Variants in CASP14 observed in about 807,000 individuals in gnomAD.
The protein encoded by CASP14 is caspase 14.
A neutral mutation model predicts 28.4 loss-of-function variants in CASP14; 27 were observed. That is an observed-to-expected ratio of 0.95 (90% CI 0.70 to 1.31). The LOEUF is 1.31. Ranked by LOEUF, CASP14 falls within the 50% of genes most tolerant of loss-of-function variation. The probability of loss-of-function intolerance (pLI) is 0.00; values close to 1 mark genes in which losing one functional copy is unlikely to be tolerated. For synonymous variants in CASP14, 115 were observed against 118.6 expected (o/e 0.97, Z 0.20); for missense variants, 323 against 312.8 (o/e 1.03, Z -0.25).
chr19:15,053,961 G>A lies in CASP14; in HGVS notation c.403+3G>A, dbSNP rs1034529513. 6.2e-6 allele frequency: 10 copies of A among 1,610,506 alleles called. No homozygotes were observed. The highest frequency in any genetic ancestry group is 5.1e-6 in the Non-Finnish European group (6 of 1,178,134). ...CATCATACAGGCCTGTCGAGGAGGT[G>A]GGGACAGATCCAAGAGCACAGAGTC... On this transcript the variant is annotated splice_donor_region_variant and intron_variant, in intron 4 of 6. Coordinates refer to ENST00000427043, the MANE Select transcript of CASP14 (RefSeq NM_012114.3).
At chr19:15,055,065 A>G (rs570717114) in intron 4 of CASP14, 93 bp from the exon 5 acceptor site, 1 of 935,966 alleles carries the variant, frequency 1.1e-6, no homozygotes, top group Non-Finnish European at 1.7e-6. Context: ...TCAGCCCCCC[A>G]AAACACTGGG....
At chr19:15,051,326 G>A (rs868027544) in intron 1 of CASP14, among the ~76,000 whole-genome samples, 2 of 151,344 alleles carry the variant, frequency 1.3e-5, no homozygotes, top group African/African-American at 2.4e-5. Flanking sequence ...GTGAAATCCC[G>A]TCTCTACTAA....
chr19:15,053,720 C>T lies in CASP14; in HGVS notation c.178-13C>T, dbSNP rs1284012208. 4 of 1,612,800 alleles carry T rather than the reference C, an allele frequency of 2.5e-6. No homozygotes were observed. The highest frequency in any genetic ancestry group is 3.4e-6 in the Non-Finnish European group (4 of 1,179,104). On this transcript the variant is annotated splice_polypyrimidine_tract_variant and intron_variant, in intron 3 of 6. Transcript: ENST00000427043. ...GGGGACCCAGCTGAGTCTGGTTCTT[C>T]CTCTCACTCCAGCAATTCCAGGAAG...
rs796422997 is a variant in CASP14 at position 15,054,640 on chromosome 19, CTTTT to C, written c.404-502_404-499del. 2.0e-3 allele frequency among the ~76,000 whole-genome samples: 247 copies of C among 122,100 alleles called. 1 individual carries two copies. The highest frequency in any genetic ancestry group is 6.5e-3 in the African/African-American group (230 of 35,194). The allele number at this position is 122,100 out of a possible 152,430, so 80.1% of individuals were successfully genotyped here. On this transcript the variant is annotated intron_variant, in intron 4 of 6. Transcript: ENST00000427043. ...GCACATGGCATACCACAAAAGCATC[CTTTT>C]TTTTTTTTTTTTTTTAGACGGAGTC...
Position 15,056,236 on chromosome 19 carries a change from C to T in CASP14, c.*147C>T, listed in dbSNP as rs1030617523. 8.2e-6 allele frequency: 5 copies of T among 612,828 alleles called. No individual in the cohort carries two copies. The highest frequency in any genetic ancestry group is 2.8e-5 in the Admixed American group (1 of 36,316). 38.0% of individuals were successfully genotyped at this position (612,828 alleles called of 1,614,324 possible). A position where few individuals can be genotyped will look rare whatever the true frequency, so the allele number is the denominator to read the frequency against. ...TTTCCATCACACCCTTCATGCAGGT[C>T]CTCCTGTCCTTATTAGAGCAAGCCA... On this transcript the variant is annotated 3_prime_UTR_variant, in exon 7 of 7. Coordinates refer to ENST00000427043, the MANE Select transcript of CASP14 (RefSeq NM_012114.3).
chr19:15,054,561 C>G (rs1213284516), intron 4 of CASP14, among the ~76,000 whole-genome samples: 4 of 151,504 alleles, frequency 2.6e-5, no homozygotes, highest in African/African-American at 9.7e-5. Flanking sequence ...CCAGCCTGGG[C>G]AACAAAGCAA....
rs747025277 is a variant in CASP14, at chr19:15,053,745, G to A, written c.190G>A (p.Glu64Lys). 3.4e-5 allele frequency: 55 copies of A among 1,613,422 alleles called. No homozygotes were observed. The highest frequency in any genetic ancestry group is 4.6e-5 in the Non-Finnish European group (54 of 1,179,554). The change falls in exon 4 of 7, where the codon GAG (glutamate) becomes AAG (lysine). Residue 64 changes from glutamate (E) to lysine (K), a missense_variant. Transcript: ENST00000427043. ...RDPTAEQFQE[E>K]LEKFQQAIDS... Reference sequence around the variant, plus strand: ...CCTCTCACTCCAGCAATTCCAGGAAGAGCTGGAAAAATTCCAGCAGGCCAT... The same window carrying A: ...CCTCTCACTCCAGCAATTCCAGGAAAAGCTGGAAAAATTCCAGCAGGCCAT...
At chr19:15,052,149 C>T (rs959670242) in intron 1 of CASP14, 57 bp from the exon 2 acceptor site, 1 of 1,332,320 alleles carries the variant, frequency 7.5e-7, no homozygotes, top group Non-Finnish European at 1.0e-6. Flanking sequence ...CAGTTTGTCC[C>T]CTGAGCCCCT....
Position 15,055,216 on chromosome 19 carries a change from C to T in CASP14, c.462C>T (p.Asp154=). 1 of 1,613,470 alleles carries T rather than the reference C, an allele frequency of 6.2e-7. No homozygotes were observed. Among genetic ancestry groups the T allele is most frequent in the East Asian group, 2.2e-5 (1 of 44,866 alleles). Residue 154 remains aspartate, a synonymous_variant, in exon 5 of 7, where the codon GAC becomes GAT. Transcript: ENST00000427043. ...GGDEIVMVIK[D]SPQTIPTYTD... ...ATGAGATTGTGATGGTCATCAAAGA[C>T]AGCCCACAAACCATCCCAACATACA... is the stretch of plus-strand genomic sequence containing the variant.
chr19:15,055,128 C>T, intron 4 of CASP14, 30 bp from the exon 5 acceptor site: 3 of 1,573,296 alleles, frequency 1.9e-6, no homozygotes, highest in Non-Finnish European at 2.6e-6. Flanking sequence ...TTCTCTCTGA[C>T]TTTGCCTCCT....
chr19:15,052,350 A>G, intron 2 of CASP14, 72 bp downstream of exon 2: 1 of 1,415,446 alleles, frequency 7.1e-7, no homozygotes, highest in Non-Finnish European at 9.5e-7. Context: ...AATGTTTTGG[A>G]AAGAGTGGAG....
At position 15,055,452 on chromosome 19, in the gene CASP14, T is replaced by G. The variant is rs1213944227; in HGVS notation, c.543T>G (p.Asp181Glu). The G allele has an allele frequency of 6.2e-7, 1 of 1,613,930 alleles. No individual in the cohort carries two copies. The highest frequency in any genetic ancestry group is 1.1e-5 in the South Asian group (1 of 91,072). Residue 181 changes from aspartate to glutamate, a missense_variant, in exon 6 of 7, where the codon GAT (aspartate) becomes GAG (glutamate). Asp to Glu is a conservative substitution (Grantham distance 45, BLOSUM62 2). Transcript: ENST00000427043. ...TVEGYIAYRH[D>E]QKGSCFIQTL... ...CAGGATACATCGCCTACCGACATGATCAGAAAGGCTCATGCTTTATCCAGA... is the reference window on the plus strand; with the variant it reads ...CAGGATACATCGCCTACCGACATGAGCAGAAAGGCTCATGCTTTATCCAGA...
At chr19:15,052,390 AG>A in intron 2 of CASP14, 112 bp downstream of exon 2, 1 of 1,068,682 alleles carries the variant, frequency 9.4e-7, no homozygotes. Flanking sequence ...CTGAACTCAG[AG>A]CTAGGAGGTA....
Position 15,053,818 on chromosome 19 carries a change from C to A in CASP14, c.263C>A (p.Ala88Asp), listed in dbSNP as rs764708026. The A allele has an allele frequency of 1.1e-5, 17 of 1,614,008 alleles. No individual in the cohort carries two copies. The highest frequency in any genetic ancestry group is 1.4e-5 in the Non-Finnish European group (17 of 1,180,044). Residue 88 changes from alanine to aspartate, a missense_variant, in exon 4 of 7, where the codon GCT becomes GAT. Ala to Asp is a moderately radical substitution (Grantham distance 126). Transcript: ENST00000427043. Reference protein sequence around the residue: ...PVSCAFVVLMAHGREGFLKGE... With the variant: ...PVSCAFVVLMDHGREGFLKGE... Reference sequence around the variant, plus strand: ...AGTTGTGCCTTCGTGGTACTCATGGCTCACGGGAGGGAAGGCTTCCTCAAG... The same window carrying A: ...AGTTGTGCCTTCGTGGTACTCATGGATCACGGGAGGGAAGGCTTCCTCAAG...
rs146833428 is a variant in CASP14, at chr19:15,053,779, G to C, written c.224G>C (p.Arg75Pro). The C allele has an allele frequency of 8.0e-5, 129 of 1,613,804 alleles. No homozygotes were observed. The highest frequency in any genetic ancestry group is 1.1e-4 in the Non-Finnish European group (127 of 1,179,922). ...LEKFQQAIDS[R>P]EDPVSCAFVV... ...AAATTCCAGCAGGCCATCGATTCCC[G>C]GGAAGATCCCGTCAGTTGTGCCTTC... is the stretch of plus-strand genomic sequence containing the variant. Residue 75 changes from arginine to proline, a missense_variant, in exon 4 of 7, where the codon CGG (arginine) becomes CCG (proline). Arg to Pro is a moderately radical substitution (Grantham distance 103). Transcript: ENST00000427043.
At position 15,058,082 on chromosome 19, in the gene CASP14, C is replaced by T. The variant is rs1178511958; in HGVS notation, c.*1993C>T. 6.6e-6 allele frequency: 1 copy of T among 152,164 alleles called. No individual in the cohort carries two copies. The highest frequency in any genetic ancestry group is 6.6e-5 in the Admixed American group (1 of 15,266). The allele number at this position is 152,164 out of a possible 1,614,324, so 9.4% of individuals were successfully genotyped here. A position where few individuals can be genotyped will look rare whatever the true frequency, so the allele number is the denominator to read the frequency against. Reference sequence around the variant, plus strand: ...CTCTAAGCCTTTGCTATCACCATTTCCCCCAAGCTGGAGGGCCCTCCCTCT... The same window carrying T: ...CTCTAAGCCTTTGCTATCACCATTTTCCCCAAGCTGGAGGGCCCTCCCTCT... On this transcript the variant is annotated 3_prime_UTR_variant, in exon 7 of 7. Coordinates refer to ENST00000427043, the MANE Select transcript of CASP14 (RefSeq NM_012114.3).
rs371772165 is a variant in CASP14 at position 15,055,975 on chromosome 19, G to A, written c.625-10G>A. 4.3e-5 allele frequency: 69 copies of A among 1,599,064 alleles called. 1 individual carries two copies. The highest frequency in any genetic ancestry group is 5.7e-5 in the Non-Finnish European group (67 of 1,172,268). On this transcript the variant is annotated splice_polypyrimidine_tract_variant and intron_variant, in intron 6 of 6. Coordinates refer to ENST00000427043, the MANE Select transcript of CASP14 (RefSeq NM_012114.3). ...TGACTCCTCCAAGCTCACCACACCT[G>A]TTGCTGCAGGTGACCCGGCGGATGG...
Position 15,055,173 on chromosome 19 carries a change from G to C in CASP14, c.419G>C (p.Gly140Ala), listed in dbSNP as rs767509552. 4.3e-6 allele frequency: 7 copies of C among 1,613,866 alleles called. No homozygotes were observed. In the African/African-American group the frequency reaches 5.3e-5, roughly 12 times the overall value. The stretch of plus-strand genomic sequence containing the variant: ...GTTGTTTCAGAACAAAGGGACCCCG[G>C]TGAAACAGTAGGTGGAGATGAGATT... ...QACRGEQRDPGETVGGDEIVM... is the reference protein window; with the variant it reads ...QACRGEQRDPAETVGGDEIVM... Residue 140 changes from glycine to alanine, a missense_variant, in exon 5 of 7, where the codon GGT (glycine) becomes GCT (alanine). Transcript: ENST00000427043.
rs765007574 is a variant in CASP14 at position 15,053,855 on chromosome 19, G to T, written c.300G>T (p.Gly100=). Residue 100 remains glycine, a synonymous_variant, in exon 4 of 7, where the codon GGG becomes GGT. Coordinates refer to ENST00000427043, the MANE Select transcript of CASP14 (RefSeq NM_012114.3). ...GREGFLKGED[G]EMVKLENLFE... Reference sequence around the variant, plus strand: ...AAGGCTTCCTCAAGGGAGAAGATGGGGAGATGGTCAAGCTGGAGAATCTCT... The same window carrying T: ...AAGGCTTCCTCAAGGGAGAAGATGGTGAGATGGTCAAGCTGGAGAATCTCT... The T allele has an allele frequency of 6.2e-7, 1 of 1,614,164 alleles. No individual in the cohort carries two copies. Among genetic ancestry groups the T allele is most frequent in the South Asian group, 1.1e-5 (1 of 91,082 alleles).
Sources: gnomAD v4.1 joint callset for allele counts (sites outside exome capture counted in the v4.1 genomes callset) on GRCh38, gnomAD v4.1.1 for gene constraint, MANE v1.5 for transcripts, NCBI Gene and HGNC (gene_info 2026-07-23, HGNC 2026-07-21) for gene names.